CCDC85C: variants seen among roughly 807,000 people sequenced by gnomAD.
CCDC85C encodes the protein coiled-coil domain containing 85C, also known as coiled-coil domain-containing protein 85C.
In CCDC85C, 18 loss-of-function variants were observed where a neutral mutation model predicts 38.3. That is an observed-to-expected ratio of 0.47 (90% CI 0.33 to 0.70). CCDC85C has a LOEUF of 0.70. CCDC85C is among the 30% of genes least tolerant of loss of function. The pLI is 0.03. For synonymous variants in CCDC85C, 264 were observed against 293.8 expected (o/e 0.90, Z 1.04); for missense variants, 566 against 621.2 (o/e 0.91, Z 0.94).
Position 99,511,069 on chromosome 14 carries a change from C to T in CCDC85C, c.*4177G>A, listed in dbSNP as rs910314656. 3.7e-6 allele frequency: 1 copy of T among 271,296 alleles called. No homozygotes were observed. The highest frequency in any genetic ancestry group is 6.9e-6 in the Non-Finnish European group (1 of 145,424). 16.8% of individuals were successfully genotyped at this position (271,296 alleles called of 1,614,324 possible). A position where few individuals can be genotyped will look rare whatever the true frequency, so the allele number is the denominator to read the frequency against. On this transcript the variant is annotated 3_prime_UTR_variant, in exon 6 of 6. Transcript: ENST00000380243. The stretch of plus-strand genomic sequence containing the variant: ...CTGGGTTACTTTATACTAGTGAGGA[C>T]GTTAACCAGCCATATTGGCTCAATA...
intron 1 of CCDC85C, among the ~76,000 whole-genome samples, chr14:99,536,508 C>G (rs1897603905): frequency 6.6e-6 from 1 of 152,178 alleles, no homozygotes; most frequent in African/African-American, 2.4e-5. Flanking sequence ...CAGGGCACAG[C>G]CCACCCCAGG....
intron 1 of CCDC85C, among the ~76,000 whole-genome samples, chr14:99,595,088 G>A (rs968191092): frequency 5.9e-5 from 9 of 152,232 alleles, no homozygotes; most frequent in Non-Finnish European, 5.9e-5. Context: ...TTCAGGGACA[G>A]TAGAAGAGGC....
rs550124383 is a variant in CCDC85C, at chr14:99,570,913, C to T, written c.793+32254G>A. 2.7e-3 allele frequency among the ~76,000 whole-genome samples: 412 copies of T among 152,282 alleles called. 1 individual carries two copies. Among genetic ancestry groups the T allele is most frequent in the African/African-American group, 9.8e-3 (406 of 41,572 alleles). On this transcript the variant is annotated intron_variant, in intron 1 of 5. Coordinates refer to ENST00000380243, the MANE Select transcript of CCDC85C (RefSeq NM_001144995.2). ...AGGAAATGGAAAGGGGCCTCCTTCCCTCCCAGTAGGCGGGGGAAGGCAACC... is the reference window on the plus strand; with the variant it reads ...AGGAAATGGAAAGGGGCCTCCTTCCTTCCCAGTAGGCGGGGGAAGGCAACC...
chr14:99,510,992 C>A lies in CCDC85C; in HGVS notation c.*4254G>T. 1 of 397,282 alleles carries A rather than the reference C, an allele frequency of 2.5e-6. No individual in the cohort carries two copies. The highest frequency in any genetic ancestry group is 4.4e-6 in the Non-Finnish European group (1 of 227,148). 24.6% of individuals were successfully genotyped at this position (397,282 alleles called of 1,614,324 possible). A position where few individuals can be genotyped will look rare whatever the true frequency, so the allele number is the denominator to read the frequency against. On this transcript the variant is annotated 3_prime_UTR_variant, in exon 6 of 6. Coordinates refer to ENST00000380243, the MANE Select transcript of CCDC85C (RefSeq NM_001144995.2). ...CTTTCAGAGTAGCCTCATCAGTGCC[C>A]TTGCAGTCTGACTGTGTACACTTGG...
Position 99,573,121 on chromosome 14 carries a change from C to T in CCDC85C, c.793+30046G>A, listed in dbSNP as rs1431058776. 4 of 295,224 alleles carry T rather than the reference C, an allele frequency of 1.4e-5. No homozygotes were observed. In the East Asian group the frequency reaches 3.1e-4, roughly 23 times the overall value. The allele number at this position is 295,224 out of a possible 1,614,324, so 18.3% of individuals were successfully genotyped here. A position where few individuals can be genotyped will look rare whatever the true frequency, so the allele number is the denominator to read the frequency against. On this transcript the variant is annotated intron_variant, in intron 1 of 5. Coordinates refer to ENST00000380243, the MANE Select transcript of CCDC85C (RefSeq NM_001144995.2). ...CAGACCAGGCAGGGACTCAGGCGTG[C>T]AGCTGCCTGGGCACCGCTTCATTTC...
rs1460616830 is a variant in CCDC85C at position 99,503,262 on chromosome 14, G to A, written c.*11984C>T. 10 of 638,230 alleles carry A rather than the reference G, an allele frequency of 1.6e-5. No individual in the cohort carries two copies. The highest frequency in any genetic ancestry group is 5.4e-5 in the African/African-American group (3 of 55,426). 39.5% of individuals were successfully genotyped at this position (638,230 alleles called of 1,614,324 possible). ...TCTGAAGCCTGTCGGTGTCGTTGCCGTGTCCTAGCAGTGTCGTTGTGCATG... is the reference window on the plus strand; with the variant it reads ...TCTGAAGCCTGTCGGTGTCGTTGCCATGTCCTAGCAGTGTCGTTGTGCATG... On this transcript the variant is annotated 3_prime_UTR_variant, in exon 6 of 6. Transcript: ENST00000380243.
chr14:99,549,506 C>T lies in CCDC85C; in HGVS notation c.794-13418G>A, dbSNP rs541062781. 1.2e-4 allele frequency among the ~76,000 whole-genome samples: 19 copies of T among 152,300 alleles called. 1 individual carries two copies. The South Asian group carries it at 3.9e-3, about 32-fold the overall frequency. On this transcript the variant is annotated intron_variant, in intron 1 of 5. Transcript: ENST00000380243. ...GAGGCCAGAGCAGGCCCCCTCTTTG[C>T]CCCAACCTGCTCTGTGACCTTGGAC... is the stretch of plus-strand genomic sequence containing the variant.
At position 99,503,678 on chromosome 14, in the gene CCDC85C, T is replaced by G; in HGVS notation, c.*11568A>C. The G allele has an allele frequency of 1.3e-6, 2 of 1,515,806 alleles. No homozygotes were observed. The highest frequency in any genetic ancestry group is 1.2e-5 in the South Asian group (1 of 81,326). 93.9% of individuals were successfully genotyped at this position (1,515,806 alleles called of 1,614,324 possible). A position where few individuals can be genotyped will look rare whatever the true frequency, so the allele number is the denominator to read the frequency against. The stretch of plus-strand genomic sequence containing the variant: ...CTGTTCTGATGTTTTTTTAGTTTTA[T>G]GTGTTTATATGCAAAACTTTAAATT... On this transcript the variant is annotated 3_prime_UTR_variant, in exon 6 of 6. Transcript: ENST00000380243.
At chr14:99,586,200 GC>G (rs2055024053) in intron 1 of CCDC85C, among the ~76,000 whole-genome samples, 1 of 152,144 alleles carries the variant, frequency 6.6e-6, no homozygotes, top group African/African-American at 2.4e-5. Context: ...CTCTGCCCCC[GC>G]CCCTCCCTAC....
rs749455377 is a variant in CCDC85C, at chr14:99,502,394, C to T, written c.*12852G>A. Reference sequence around the variant, plus strand: ...TTTGGAAGGTACCAGGCATGCTAAGCGTTCTCGTGAGGGTGTTCCATGTTG... The same window carrying T: ...TTTGGAAGGTACCAGGCATGCTAAGTGTTCTCGTGAGGGTGTTCCATGTTG... On this transcript the variant is annotated 3_prime_UTR_variant, in exon 6 of 6. Coordinates refer to ENST00000380243, the MANE Select transcript of CCDC85C (RefSeq NM_001144995.2). The T allele has an allele frequency of 5.0e-6, 8 of 1,610,658 alleles. No individual in the cohort carries two copies. The highest frequency in any genetic ancestry group is 3.3e-5 in the South Asian group (3 of 90,514).
intron 1 of CCDC85C, among the ~76,000 whole-genome samples, chr14:99,586,127 G>A (rs759276384): frequency 4.6e-5 from 7 of 152,232 alleles, no homozygotes; most frequent in East Asian, 1.9e-4. Context: ...TACCACGAGT[G>A]CAGGGCAACA....
chr14:99,522,150 G>C lies in CCDC85C; in HGVS notation c.958C>G (p.Gln320Glu). Residue 320 changes from glutamine to glutamate, a missense_variant, in exon 3 of 6, where the codon CAG (glutamine) becomes GAG (glutamate). By Grantham distance (29) the Gln-to-Glu change is conservative. Transcript: ENST00000380243. ...ACACTCACGTTCTGCAGGGAGTCCT[G>C]GTAGGAGGGCGGCAGGGACGCAAGC... ...SQLASLPPSY[Q>E]DSLQNGPACP... The C allele has an allele frequency of 6.4e-7, 1 of 1,550,856 alleles. No individual in the cohort carries two copies. Among genetic ancestry groups the C allele is most frequent in the Admixed American group, 2.0e-5 (1 of 51,002 alleles).
intron 1 of CCDC85C, among the ~76,000 whole-genome samples, chr14:99,584,782 A>T (rs1338765833): frequency 1.3e-5 from 2 of 152,180 alleles, no homozygotes; most frequent in African/African-American, 4.8e-5. Flanking sequence ...GCGGGGGAAA[A>T]ATCACACTCC....
intron 1 of CCDC85C, among the ~76,000 whole-genome samples, chr14:99,562,614 C>T (rs1898138696): frequency 6.6e-6 from 1 of 152,152 alleles, no homozygotes; most frequent in South Asian, 2.1e-4. Flanking sequence ...CTGGGTGAAA[C>T]AAAAGTTAAT....
intron 1 of CCDC85C, among the ~76,000 whole-genome samples, chr14:99,547,885 TAC>T (rs746584304): frequency 4.7e-4 from 72 of 151,616 alleles, no homozygotes; most frequent in Admixed American, 1.6e-3. Flanking sequence ...TATACATATA[TAC>T]ACACACACAC....
At chr14:99,563,172 C>T (rs971576894) in intron 1 of CCDC85C, among the ~76,000 whole-genome samples, 12 of 152,220 alleles carry the variant, frequency 7.9e-5, no homozygotes, top group African/African-American at 2.9e-4. Context: ...ACTCCCCAAC[C>T]CAAGAAGCAA....
chr14:99,603,950 G>A lies in CCDC85C; in HGVS notation c.10C>T (p.Pro4Ser). 2.9e-6 allele frequency: 4 copies of A among 1,382,182 alleles called. No homozygotes were observed. The highest frequency in any genetic ancestry group is 3.3e-5 in the Admixed American group (1 of 30,548). 85.6% of individuals were successfully genotyped at this position (1,382,182 alleles called of 1,614,324 possible). The change falls in exon 1 of 6, where the codon CCC becomes TCC. Residue 4 changes from proline to serine, a missense_variant. This residue lies in a region of CCDC85C where 269 missense variants were observed against 308.2 expected (regional missense o/e 0.87). Coordinates refer to ENST00000380243, the MANE Select transcript of CCDC85C (RefSeq NM_001144995.2). This position sits in a 1 kb window ranked among gnomAD's most constrained non-coding sequence, Gnocchi z 7.5. ...GACGCCGCCGCCGCCGTCGCCGCGG[G>A]CTTAGCCATGGCGGGGCCGTCACCG... Reference protein sequence around the residue: MAKPAATAAAASEE... With the variant: MAKSAATAAAASEE...
intron 2 of CCDC85C, among the ~76,000 whole-genome samples, chr14:99,529,099 G>A (rs8018079): frequency 0.46 from 69,694 of 152,074 alleles, 16,385 homozygotes; most frequent in Admixed American, 0.59. Context: ...CAGATCAGGC[G>A]GTAGAGATGA....
At chr14:99,571,333 A>ATAG (rs550495819) in intron 1 of CCDC85C, among the ~76,000 whole-genome samples, 2,346 of 129,300 alleles carry the variant, frequency 0.018, 23 homozygotes, top group Middle Eastern at 0.034. Context: ...CACAGCAGCA[A>ATAG]TAGTAGTAGT....
Sources: allele counts gnomAD v4.1 joint callset (sites outside exome capture counted in the v4.1 genomes callset), GRCh38; gene constraint gnomAD v4.1.1; regional missense constraint gnomAD v4.1.1; non-coding constraint Gnocchi (gnomAD v3.1); transcripts MANE v1.5; gene names NCBI Gene and HGNC (gene_info 2026-07-23, HGNC 2026-07-21).